The following UTS2B variants were observed in gnomAD, a reference collection of about 807,000 sequenced individuals.
UTS2B encodes the protein urotensin-2B.
In UTS2B, 21 loss-of-function variants were observed where a neutral mutation model predicts 19.2. The ratio of observed to expected loss-of-function variants is 1.09; its 90% CI spans 0.78 to 1.58. UTS2B has a LOEUF of 1.58. Ranked by LOEUF, UTS2B falls within the 40% of genes most tolerant of loss-of-function variation. The pLI is 0.00. For missense variants in UTS2B, 138 were observed against 130.3 expected (o/e 1.06, Z -0.29); for synonymous variants, 57 against 50.2 (o/e 1.14, Z -0.58).
chr3:191,325,891 A>G (rs1224877650), intron 2 of UTS2B, among the ~76,000 whole-genome samples: 1 of 152,230 alleles, frequency 6.6e-6, no homozygotes, highest in East Asian at 1.9e-4. Flanking sequence ...AAAAACATAT[A>G]TAATAATTTC....
chr3:191,318,973 A>G (rs182229647), intron 2 of UTS2B, among the ~76,000 whole-genome samples: 257 of 152,236 alleles, frequency 1.7e-3, no homozygotes, highest in African/African-American at 5.9e-3. Flanking sequence ...CTTTTATTTT[A>G]TATAGTCTGT....
intron 3 of UTS2B, among the ~76,000 whole-genome samples, chr3:191,305,130 T>G (rs1717102942): frequency 6.6e-6 from 1 of 152,186 alleles, no homozygotes; most frequent in South Asian, 2.1e-4. Context: ...AATAAACATA[T>G]GCATGCATGT....
intron 8 of UTS2B, among the ~76,000 whole-genome samples, chr3:191,271,477 G>C (rs1261737991): frequency 6.6e-6 from 1 of 152,150 alleles, no homozygotes; most frequent in Non-Finnish European, 1.5e-5. Flanking sequence ...TCTGTGCAGT[G>C]AGCTGTAGGA....
intron 3 of UTS2B, among the ~76,000 whole-genome samples, chr3:191,310,245 C>T (rs562435601): frequency 1.5e-3 from 221 of 151,594 alleles, no homozygotes; most frequent in African/African-American, 4.8e-3. Context: ...GGATTACAGG[C>T]GTAAGCCACC....
intron 6 of UTS2B, among the ~76,000 whole-genome samples, chr3:191,277,405 A>G (rs1429738158): frequency 6.6e-6 from 1 of 152,116 alleles, no homozygotes; most frequent in Non-Finnish European, 1.5e-5. Context: ...TTGTTCTATG[A>G]ATACAGACAT....
intron 4 of UTS2B, among the ~76,000 whole-genome samples, chr3:191,286,099 G>A (rs1278673078): frequency 6.6e-6 from 1 of 152,130 alleles, no homozygotes; most frequent in Non-Finnish European, 1.5e-5. Context: ...AAATATGTCT[G>A]TACCAAATAT....
At chr3:191,303,603 G>A (rs1025847238) in intron 4 of UTS2B, among the ~76,000 whole-genome samples, 3 of 151,850 alleles carry the variant, frequency 2.0e-5, no homozygotes, top group Non-Finnish European at 2.9e-5. Context: ...ATCATGTTAC[G>A]AGGTTTAAAA....
At chr3:191,270,465 T>TG (rs1716057458) in intron 8 of UTS2B, among the ~76,000 whole-genome samples, 1 of 152,208 alleles carries the variant, frequency 6.6e-6, no homozygotes, top group Non-Finnish European at 1.5e-5. Context: ...CCCAAAGTAG[T>TG]GGGATTGCAG....
intron 8 of UTS2B, among the ~76,000 whole-genome samples, chr3:191,270,917 G>A (rs762999859): frequency 6.6e-6 from 1 of 152,228 alleles, no homozygotes; most frequent in Non-Finnish European, 1.5e-5. Flanking sequence ...AAAAAAAACT[G>A]TCAAAGGGCC....
At chr3:191,332,479 G>C (rs1379332566), upstream of UTS2B, among the ~76,000 whole-genome samples, 1 of 152,156 alleles carries the variant, frequency 6.6e-6, no homozygotes, top group Non-Finnish European at 1.5e-5. Context: ...AATGGAAAAC[G>C]CTGTTGCCAA....
intron 7 of UTS2B, 21 bp from the exon 8 acceptor site, chr3:191,275,366 TAATTAATTGGTCTTCTATAA>T: frequency 6.3e-7 from 1 of 1,591,198 alleles, no homozygotes. Flanking sequence ...TGTAAAATGA[TAATTAATTGGTCTTCTATAA>T]AACCATGCTG....
intron 5 of UTS2B, among the ~76,000 whole-genome samples, chr3:191,281,644 T>C (rs898564844): frequency 6.3e-5 from 4 of 63,818 alleles, no homozygotes; most frequent in African/African-American, 1.4e-4. Context: ...GTTTCTATCT[T>C]GATGTATTTT....
intron 1 of UTS2B, chr3:191,329,583 G>C (rs970945956): frequency 3.6e-6 from 5 of 1,372,702 alleles, no homozygotes; most frequent in Non-Finnish European, 5.0e-6. Flanking sequence ...TTTGCGCCGC[G>C]TCCGGCGCTG....
In UTS2B at chr3:191,268,122, G is replaced by A; in HGVS notation, c.*294C>T. 4.3e-6 allele frequency: 1 copy of A among 234,776 alleles called. No individual in the cohort carries two copies. Among genetic ancestry groups the A allele is most frequent in the Non-Finnish European group, 8.3e-6 (1 of 119,996 alleles). The allele number at this position is 234,776 out of a possible 1,614,324, so 14.5% of individuals were successfully genotyped here. A position where few individuals can be genotyped will look rare whatever the true frequency, so the allele number is the denominator to read the frequency against. On this transcript the variant is annotated 3_prime_UTR_variant, in exon 9 of 9. Coordinates refer to ENST00000340524, the MANE Select transcript of UTS2B (RefSeq NM_198152.5). ...ACGAGGGGCGCATTCCATTCCCAGA[G>A]CTATGAACATCTGCTTTTCTGGGAT...
chr3:191,342,558 T>C, the UTS2B span, among the ~76,000 whole-genome samples: 7 of 152,230 alleles, frequency 4.6e-5, no homozygotes, highest in Non-Finnish European at 8.8e-5. Context: ...AAACTTGTAC[T>C]TAAGCTGGGC....
At chr3:191,300,828 A>G (rs925598184) in intron 4 of UTS2B, among the ~76,000 whole-genome samples, 2 of 152,088 alleles carry the variant, frequency 1.3e-5, no homozygotes, top group African/African-American at 4.8e-5. Flanking sequence ...TGCCTGCTTT[A>G]TGTTTGCCTT....
chr3:191,281,895 T>A (rs1291977171), intron 5 of UTS2B, among the ~76,000 whole-genome samples, 192 bp downstream of exon 5: 5 of 152,058 alleles, frequency 3.3e-5, no homozygotes, highest in Admixed American at 6.6e-5. Flanking sequence ...GTAAAATTAA[T>A]CTACTTGAAA....
At chr3:191,333,937 AAAATT>A (rs1576945503), upstream of UTS2B, among the ~76,000 whole-genome samples, 1 of 152,164 alleles carries the variant, frequency 6.6e-6, no homozygotes, top group East Asian at 1.9e-4. Context: ...ATTACATAGA[AAAATT>A]AAAGAAAGTA....
chr3:191,342,725 T>C, the UTS2B span, among the ~76,000 whole-genome samples: 1 of 152,174 alleles, frequency 6.6e-6, no homozygotes, highest in Non-Finnish European at 1.5e-5. Context: ...GCCATTCAAG[T>C]AGTGAAACAA....
Sources: allele counts gnomAD v4.1 joint callset (sites outside exome capture counted in the v4.1 genomes callset), GRCh38; gene constraint gnomAD v4.1.1; transcripts MANE v1.5; gene names NCBI Gene and HGNC (gene_info 2026-07-23, HGNC 2026-07-21).